PIK3C2G: variants seen among roughly 807,000 people sequenced by gnomAD.
PIK3C2G encodes phosphatidylinositol-4-phosphate 3-kinase catalytic subunit type 2 gamma, also known as phosphatidylinositol 3-kinase C2 domain-containing subunit gamma.
Under a neutral mutation model 181.1 loss-of-function variants are expected in PIK3C2G, and 168 were observed. That is an observed-to-expected ratio of 0.93 (90% CI 0.82 to 1.05). PIK3C2G has a LOEUF of 1.05. Among genes scored for constraint, PIK3C2G ranks in the 50% least tolerant of loss-of-function variants. PIK3C2G has a pLI of 0.00. For missense variants in PIK3C2G, 1,869 were observed against 1,732.8 expected, an observed-to-expected ratio of 1.08 and a Z score of -1.40; for synonymous variants, 573 against 592.2, an observed-to-expected ratio of 0.97 and a Z score of 0.47.
chr12:18,416,691 A>G, intron 16 of PIK3C2G, among the ~76,000 whole-genome samples: 1 of 152,198 alleles, frequency 6.6e-6, no homozygotes, highest in East Asian at 1.9e-4. Flanking sequence ...GGTTTACTGA[A>G]TATGTTAAGC....
chr12:18,485,236 A>G (rs1164141889), intron 18 of PIK3C2G, among the ~76,000 whole-genome samples: 3 of 152,170 alleles, frequency 2.0e-5, no homozygotes, highest in African/African-American at 7.2e-5. Flanking sequence ...AGACTGATGG[A>G]ATATGAACTA....
At chr12:18,471,978 A>T (rs570198740) in intron 18 of PIK3C2G, among the ~76,000 whole-genome samples, 26 of 152,238 alleles carry the variant, frequency 1.7e-4, no homozygotes, top group Non-Finnish European at 3.5e-4. Context: ...GCATTACAAA[A>T]ATCAGAATGG....
chr12:18,275,229 T>C (rs993612490), intron 1 of PIK3C2G, among the ~76,000 whole-genome samples: 12 of 152,224 alleles, frequency 7.9e-5, no homozygotes, highest in Non-Finnish European at 1.5e-4. Context: ...TTGACAATTT[T>C]CCTTCCCAAA....
At chr12:18,648,873 T>C (rs1177385983), downstream of PIK3C2G, among the ~76,000 whole-genome samples, 1 of 152,134 alleles carries the variant, frequency 6.6e-6, no homozygotes, top group African/African-American at 2.4e-5. Flanking sequence ...TCAAAAAAAT[T>C]TTTTAATCTT....
intron 18 of PIK3C2G, among the ~76,000 whole-genome samples, chr12:18,427,799 C>G (rs557459423): frequency 2.0e-5 from 3 of 151,566 alleles, no homozygotes; most frequent in Non-Finnish European, 4.4e-5. Context: ...AAAATCAAGC[C>G]CATTTTTCCT....
At chr12:18,327,349 T>A (rs2137513369) in intron 8 of PIK3C2G, among the ~76,000 whole-genome samples, 1 of 152,222 alleles carries the variant, frequency 6.6e-6, no homozygotes, top group Non-Finnish European at 1.5e-5. Flanking sequence ...CAAAACAGTG[T>A]CAATTGGAAA....
chr12:18,630,768 A>C (rs1949316734), intron 31 of PIK3C2G, among the ~76,000 whole-genome samples: 1 of 152,130 alleles, frequency 6.6e-6, no homozygotes, highest in African/African-American at 2.4e-5. Flanking sequence ...ACTTCATATT[A>C]CCTTCTGAGC....
chr12:18,378,913 G>C (rs1348954646), intron 13 of PIK3C2G, among the ~76,000 whole-genome samples: 1 of 152,178 alleles, frequency 6.6e-6, no homozygotes, highest in Non-Finnish European at 1.5e-5. Flanking sequence ...TACACTGTTG[G>C]TGGGACTGTA....
At chr12:18,397,230 A>G (rs1409025746) in intron 15 of PIK3C2G, among the ~76,000 whole-genome samples, 2 of 151,986 alleles carry the variant, frequency 1.3e-5, no homozygotes, top group Non-Finnish European at 2.9e-5. Context: ...AAAAATCACA[A>G]GAATCAATGT....
chr12:18,694,378 C>G, the PIK3C2G span, among the ~76,000 whole-genome samples: 1 of 152,064 alleles, frequency 6.6e-6, no homozygotes, highest in South Asian at 2.1e-4. Context: ...TTAAAGTTGA[C>G]ACAAATTAAC....
intron 18 of PIK3C2G, among the ~76,000 whole-genome samples, chr12:18,442,355 T>G (rs1280858820): frequency 6.6e-6 from 1 of 152,040 alleles, no homozygotes; most frequent in African/African-American, 2.4e-5. Flanking sequence ...CTCAAAAAGT[T>G]TACATCTTCC....
chr12:18,692,458 A>T, the PIK3C2G span, among the ~76,000 whole-genome samples: 1 of 152,208 alleles, frequency 6.6e-6, no homozygotes, highest in Non-Finnish European at 1.5e-5. Context: ...AAACGTTTTG[A>T]AAAGTCTTTA....
chr12:18,525,606 A>G (rs1943179827), intron 24 of PIK3C2G, among the ~76,000 whole-genome samples: 1 of 152,188 alleles, frequency 6.6e-6, no homozygotes, highest in South Asian at 2.1e-4. Flanking sequence ...GCGAGAGCCA[A>G]TTGTGTGTCC....
intron 31 of PIK3C2G, among the ~76,000 whole-genome samples, chr12:18,628,933 A>C (rs1949224554): frequency 6.6e-6 from 1 of 152,184 alleles, no homozygotes; most frequent in African/African-American, 2.4e-5. Flanking sequence ...CTCTGAAAAA[A>C]TAATCTGATA....
the PIK3C2G span, among the ~76,000 whole-genome samples, chr12:18,682,972 A>T: frequency 6.6e-6 from 1 of 152,036 alleles, no homozygotes; most frequent in Non-Finnish European, 1.5e-5. Flanking sequence ...ATTAAAAATG[A>T]TACAAGCCAG....
At chr12:18,326,871 T>G (rs952541158) in intron 8 of PIK3C2G, among the ~76,000 whole-genome samples, 2 of 152,134 alleles carry the variant, frequency 1.3e-5, no homozygotes, top group African/African-American at 4.8e-5. Context: ...ATGAATGAAT[T>G]TTAGTTATCT....
intron 26 of PIK3C2G, among the ~76,000 whole-genome samples, chr12:18,559,250 C>A (rs934347386): frequency 2.0e-5 from 3 of 152,130 alleles, no homozygotes; most frequent in African/African-American, 7.2e-5. Context: ...ATACAACAGG[C>A]AAATCAACCA....
At chr12:18,650,702 GTGTATATATCTATATATA>G (rs1950443724), downstream of PIK3C2G, among the ~76,000 whole-genome samples, 20 of 27,694 alleles carry the variant, frequency 7.2e-4, 1 homozygote, top group South Asian at 2.4e-3. Context: ...GTGTGTGTGT[GTGTATATATCTATATATA>G]TATATATATA....
the PIK3C2G span, among the ~76,000 whole-genome samples, chr12:18,700,291 T>A: frequency 6.6e-6 from 1 of 152,010 alleles, no homozygotes; most frequent in Admixed American, 6.6e-5. Flanking sequence ...TGAAATGACT[T>A]CTATTACATA....
Sources: gnomAD v4.1 joint callset for allele counts (sites outside exome capture counted in the v4.1 genomes callset) on GRCh38, gnomAD v4.1.1 for gene constraint, MANE v1.5 for transcripts, NCBI Gene and HGNC (gene_info 2026-07-23, HGNC 2026-07-21) for gene names.